DIS3L2: variants seen among roughly 807,000 people sequenced by gnomAD.
DIS3L2 encodes DIS3 like 3'-5' exoribonuclease 2.
DIS3L2 carries 34 observed loss-of-function variants against 97.5 expected under a neutral mutation model. The observed-to-expected ratio is 0.35, with a 90% CI of 0.27 to 0.46. The LOEUF is 0.46. Ranked by LOEUF, DIS3L2 falls within the 20% of genes least tolerant of loss-of-function variation. DIS3L2 has a pLI of 1.00. For synonymous variants in DIS3L2, 435 were observed against 445.2 expected, an observed-to-expected ratio of 0.98 and a Z score of 0.29; for missense variants, 1,038 against 1,146.0, an observed-to-expected ratio of 0.91 and a Z score of 1.36.
chr2:232,335,942 C>G, intron 20 of DIS3L2, 68 bp downstream of exon 20: 1 of 1,546,388 alleles, frequency 6.5e-7, no homozygotes, highest in Non-Finnish European at 8.7e-7. Context: ...TGCGGTGCCC[C>G]TCATTCCTTC....
chr2:232,051,584 G>A (rs1353148460), intron 5 of DIS3L2, among the ~76,000 whole-genome samples: 3 of 151,724 alleles, frequency 2.0e-5, no homozygotes, highest in African/African-American at 4.8e-5. Flanking sequence ...AGGCCGAGGC[G>A]GGCGGATCAC....
chr2:232,107,234 A>T (rs1697380925), intron 6 of DIS3L2, among the ~76,000 whole-genome samples: 1 of 152,216 alleles, frequency 6.6e-6, no homozygotes, highest in African/African-American at 2.4e-5. Flanking sequence ...AAGCTAGCAG[A>T]AGAGAAGAAA....
At chr2:232,139,338 C>T (rs369380677) in intron 8 of DIS3L2, among the ~76,000 whole-genome samples, 2 of 152,206 alleles carry the variant, frequency 1.3e-5, no homozygotes, top group African/African-American at 2.4e-5. Context: ...TAGTCTTCTA[C>T]CTGCACAACA....
chr2:232,203,667 A>G (rs182560919), intron 9 of DIS3L2, among the ~76,000 whole-genome samples: 56 of 152,346 alleles, frequency 3.7e-4, no homozygotes, highest in Middle Eastern at 6.8e-3. Context: ...TGTCACAGCG[A>G]TAAGACATGT....
intron 13 of DIS3L2, among the ~76,000 whole-genome samples, chr2:232,342,444 GTTTGT>G (rs2106363305): frequency 6.6e-6 from 1 of 152,254 alleles, no homozygotes; most frequent in South Asian, 2.1e-4. Flanking sequence ...CGGAACTGCT[GTTTGT>G]TTTAACAAAC....
At chr2:232,186,692 A>G (rs1015606018) in intron 9 of DIS3L2, among the ~76,000 whole-genome samples, 7 of 152,194 alleles carry the variant, frequency 4.6e-5, no homozygotes, top group African/African-American at 1.7e-4. Context: ...AAAGAATTCT[A>G]TTGCTATTAC....
chr2:232,271,920 C>T (rs1173898174), intron 13 of DIS3L2, among the ~76,000 whole-genome samples: 6 of 152,126 alleles, frequency 3.9e-5, no homozygotes. Context: ...TTATGCATCC[C>T]AAGGCATGAA....
chr2:232,189,241 G>T (rs1691541418), intron 9 of DIS3L2, among the ~76,000 whole-genome samples: 1 of 152,130 alleles, frequency 6.6e-6, no homozygotes, highest in Non-Finnish European at 1.5e-5. Flanking sequence ...CCAGAAAAAT[G>T]AAAACCTACA....
chr2:232,238,439 C>A, intron 10 of DIS3L2, 94 bp from the exon 11 acceptor site: 1 of 1,029,518 alleles, frequency 9.7e-7, no homozygotes, highest in Non-Finnish European at 1.5e-6. Flanking sequence ...GTCCTGTGGC[C>A]TCTGGGAGTG....
chr2:232,326,504 C>A (rs866542975), intron 14 of DIS3L2, among the ~76,000 whole-genome samples: 1 of 149,020 alleles, frequency 6.7e-6, no homozygotes, highest in African/African-American at 2.5e-5. Flanking sequence ...TCATTCACTC[C>A]TACTCATAGC....
intron 5 of DIS3L2, among the ~76,000 whole-genome samples, chr2:232,036,682 G>C (rs1020834862): frequency 2.0e-5 from 3 of 152,128 alleles, no homozygotes; most frequent in African/African-American, 7.2e-5. Context: ...CTTTCCTGTT[G>C]GTGACCTTTG....
intron 10 of DIS3L2, among the ~76,000 whole-genome samples, chr2:232,225,698 T>G (rs1692626227): frequency 6.6e-6 from 1 of 152,216 alleles, no homozygotes; most frequent in Non-Finnish European, 1.5e-5. Flanking sequence ...GCTTAATGCT[T>G]GTATACTTTA....
intron 19 of DIS3L2, 123 bp from the exon 20 acceptor site, chr2:232,335,650 C>G: frequency 8.9e-7 from 1 of 1,120,492 alleles, no homozygotes; most frequent in Non-Finnish European, 1.3e-6. Flanking sequence ...CTCCCTCCAG[C>G]CAGGCAAGGG....
intron 9 of DIS3L2, among the ~76,000 whole-genome samples, chr2:232,197,409 A>G (rs1691784176): frequency 6.6e-6 from 1 of 152,130 alleles, no homozygotes; most frequent in African/African-American, 2.4e-5. Context: ...TCGTTTTCCT[A>G]TTTTTATATA....
chr2:232,019,620 A>AG (rs1694457575), intron 3 of DIS3L2, among the ~76,000 whole-genome samples: 1 of 149,822 alleles, frequency 6.7e-6, no homozygotes, highest in African/African-American at 2.5e-5. Flanking sequence ...ATTAAAGATG[A>AG]GGGGAATAGA....
At chr2:232,096,199 G>A (rs1697005631) in intron 6 of DIS3L2, among the ~76,000 whole-genome samples, 1 of 151,526 alleles carries the variant, frequency 6.6e-6, no homozygotes, top group African/African-American at 2.4e-5. Context: ...CCATTCTCCT[G>A]CCTCGGCCTC....
At chr2:231,987,773 G>A (rs11689345) in intron 1 of DIS3L2, among the ~76,000 whole-genome samples, 2,206 of 152,264 alleles carry the variant, frequency 0.014, 22 homozygotes, top group Non-Finnish European at 0.021. Context: ...GGGAGAAGAA[G>A]TACACCAGGT....
At chr2:232,000,611 T>TTC (rs1693853470) in intron 1 of DIS3L2, among the ~76,000 whole-genome samples, 2 of 143,792 alleles carry the variant, frequency 1.4e-5, no homozygotes, top group East Asian at 2.2e-4. Context: ...TCCTTTCCTT[T>TTC]CTTTTCCTTT....
chr2:232,181,769 C>G (rs1408398201), intron 9 of DIS3L2, among the ~76,000 whole-genome samples: 1 of 152,086 alleles, frequency 6.6e-6, no homozygotes, highest in African/African-American at 2.4e-5. Context: ...CTCCAGATAG[C>G]TGGGATACAG....
Sources: allele counts gnomAD v4.1 joint callset (sites outside exome capture counted in the v4.1 genomes callset), GRCh38; gene constraint gnomAD v4.1.1; transcripts MANE v1.5; gene names NCBI Gene and HGNC (gene_info 2026-07-23, HGNC 2026-07-21).